CDH4: variants seen among roughly 807,000 people sequenced by gnomAD.
The protein encoded by CDH4 is cadherin-4.
In CDH4, 33 loss-of-function variants were observed where a neutral mutation model predicts 86.0. The observed-to-expected ratio is 0.38, with a 90% CI of 0.29 to 0.51. The LOEUF (loss-of-function observed/expected upper bound fraction) is 0.51, where lower values mean the gene tolerates loss of function less well. CDH4 is among the 20% of genes least tolerant of loss of function. CDH4 has a pLI of 0.86. For synonymous variants in CDH4, 555 were observed against 549.4 expected (o/e 1.01, Z -0.14); for missense variants, 1,114 against 1,307.4 (o/e 0.85, Z 2.28).
chr20:61,536,448 G>GAGGAAGGGGAGGGAGTGGGGC lies in CDH4; in HGVS notation c.170-207111_170-207091dup, dbSNP rs1334174643. ...TGTTCATGATTACTAAGGAGGGAAA[G>GAGGAAGGGGAGGGAGTGGGGC]AGGAAGGGGAGGGAGTGGGGCAGGG... On this transcript the variant is annotated intron_variant, in intron 2 of 15. Coordinates refer to ENST00000614565, the MANE Select transcript of CDH4 (RefSeq NM_001794.5). Among the ~76,000 whole-genome samples the GAGGAAGGGGAGGGAGTGGGGC allele has an allele frequency of 3.3e-5, 5 of 151,892 alleles. No homozygotes were observed. The East Asian group carries it at 7.8e-4, about 24-fold the overall frequency.
chr20:61,512,991 G>C (rs1369955630), intron 2 of CDH4, among the ~76,000 whole-genome samples: 4 of 152,204 alleles, frequency 2.6e-5, no homozygotes, highest in Admixed American at 6.5e-5. Flanking sequence ...GTAGAGTTTT[G>C]TTTTTTTCCA....
chr20:61,845,450 C>G (rs1186503213), intron 5 of CDH4, among the ~76,000 whole-genome samples: 1 of 152,212 alleles, frequency 6.6e-6, no homozygotes, highest in Non-Finnish European at 1.5e-5. Flanking sequence ...CGAACTGACC[C>G]TGGCCGAGAG....
chr20:61,457,024 G>C (rs1376782470), intron 2 of CDH4, among the ~76,000 whole-genome samples: 1 of 152,148 alleles, frequency 6.6e-6, no homozygotes, highest in Non-Finnish European at 1.5e-5. Flanking sequence ...CTTTGTGCCA[G>C]ACTTCTCCTT....
intron 2 of CDH4, among the ~76,000 whole-genome samples, chr20:61,650,517 A>G (rs1292126547): frequency 6.6e-6 from 1 of 152,188 alleles, no homozygotes; most frequent in Non-Finnish European, 1.5e-5. Flanking sequence ...GTGTATCTTC[A>G]TATTAGCCAG....
chr20:61,900,431 C>T (rs1377589947), intron 8 of CDH4, among the ~76,000 whole-genome samples: 5 of 152,184 alleles, frequency 3.3e-5, no homozygotes, highest in African/African-American at 9.7e-5. Flanking sequence ...AGCTCCCACC[C>T]ACCCGACATC....
intron 2 of CDH4, among the ~76,000 whole-genome samples, chr20:61,426,156 G>T (rs2085214174): frequency 6.6e-6 from 1 of 152,196 alleles, no homozygotes; most frequent in Admixed American, 6.5e-5. Context: ...AAGAGTATGT[G>T]ATGTATTCAA....
intron 2 of CDH4, among the ~76,000 whole-genome samples, chr20:61,463,104 A>C (rs1041738615): frequency 1.3e-5 from 2 of 152,074 alleles, no homozygotes; most frequent in African/African-American, 4.8e-5. Flanking sequence ...TCCCTGCACA[A>C]ACTCTCTCTT....
intron 2 of CDH4, among the ~76,000 whole-genome samples, chr20:61,598,642 C>G (rs907727113): frequency 1.1e-4 from 16 of 152,186 alleles, no homozygotes; most frequent in Non-Finnish European, 2.9e-5. Flanking sequence ...TCCCACCCGA[C>G]CCTGGGACCA....
intron 2 of CDH4, among the ~76,000 whole-genome samples, chr20:61,476,371 G>T (rs1184528396): frequency 1.3e-5 from 2 of 152,054 alleles, no homozygotes; most frequent in East Asian, 1.9e-4. Context: ...AGAAGTGTGT[G>T]TGCCCGTGTG....
intron 4 of CDH4, among the ~76,000 whole-genome samples, chr20:61,804,106 C>A (rs1296900356): frequency 6.6e-6 from 1 of 152,270 alleles, no homozygotes; most frequent in African/African-American, 2.4e-5. Context: ...GAAAACGTGT[C>A]AAGCTGGGAC....
intron 2 of CDH4, among the ~76,000 whole-genome samples, chr20:61,442,396 A>G (rs977990934): frequency 4.8e-5 from 7 of 145,768 alleles, no homozygotes; most frequent in Admixed American, 3.5e-4. Flanking sequence ...AAACATCCCC[A>G]TATCGCTTAT....
intron 2 of CDH4, among the ~76,000 whole-genome samples, chr20:61,296,801 G>A (rs575968371): frequency 6.6e-6 from 1 of 152,296 alleles, no homozygotes; most frequent in East Asian, 1.9e-4. Flanking sequence ...TTCAGGCCAC[G>A]GCAGCTGGAA....
chr20:61,256,890 AAG>A (rs1214591338), intron 2 of CDH4, among the ~76,000 whole-genome samples: 4 of 152,186 alleles, frequency 2.6e-5, no homozygotes, highest in African/African-American at 9.6e-5. Context: ...CTCAGGAAGA[AAG>A]AGATGTTTTA....
intron 2 of CDH4, among the ~76,000 whole-genome samples, chr20:61,622,910 G>A (rs1295485206): frequency 1.3e-5 from 2 of 152,182 alleles, no homozygotes; most frequent in Non-Finnish European, 2.9e-5. Context: ...TGGCTGCGGA[G>A]TTTAAGAGCC....
intron 2 of CDH4, among the ~76,000 whole-genome samples, chr20:61,268,172 C>T (rs568394508): frequency 6.6e-6 from 1 of 152,352 alleles, no homozygotes; most frequent in East Asian, 1.9e-4. Context: ...GGAATGGGAG[C>T]GGGCCTGGCT....
chr20:61,820,738 A>G (rs534981964), intron 4 of CDH4, among the ~76,000 whole-genome samples: 4 of 152,268 alleles, frequency 2.6e-5, no homozygotes, highest in African/African-American at 9.6e-5. Flanking sequence ...TACTGCATAC[A>G]GGAGCTTTCC....
rs577830921 is a variant in CDH4, at chr20:61,807,503, G to A, written c.576+34321G>A. Among the ~76,000 whole-genome samples the A allele has an allele frequency of 3.9e-4, 59 of 152,296 alleles. No individual in the cohort carries two copies. The highest frequency in any genetic ancestry group is 1.4e-3 in the African/African-American group (57 of 41,556). ...TCCTCTTTCTACTCCATCTCCTCCCGGCTGGGAAGTTGCAGCCCTTTCTCC... is the reference window on the plus strand; with the variant it reads ...TCCTCTTTCTACTCCATCTCCTCCCAGCTGGGAAGTTGCAGCCCTTTCTCC... On this transcript the variant is annotated intron_variant, in intron 4 of 15. Transcript: ENST00000614565. The surrounding 1 kb of genome is among the most constrained non-coding windows in gnomAD (Gnocchi z 4.5).
chr20:61,695,963 C>G (rs2087711086), intron 2 of CDH4, among the ~76,000 whole-genome samples: 1 of 152,218 alleles, frequency 6.6e-6, no homozygotes, highest in Non-Finnish European at 1.5e-5. Context: ...CCGACCAGCC[C>G]CCTCCATGAG....
chr20:61,563,025 G>A (rs1194511594), intron 2 of CDH4, among the ~76,000 whole-genome samples: 1 of 152,228 alleles, frequency 6.6e-6, no homozygotes, highest in African/African-American at 2.4e-5. Flanking sequence ...CTTGTCCAGC[G>A]GCTCCCGGAG....
Sources: allele counts gnomAD v4.1 joint callset (sites outside exome capture counted in the v4.1 genomes callset), GRCh38; gene constraint gnomAD v4.1.1; non-coding constraint Gnocchi (gnomAD v3.1); transcripts MANE v1.5; gene names NCBI Gene and HGNC (gene_info 2026-07-23, HGNC 2026-07-21).